AGL: variants seen among roughly 807,000 people sequenced by gnomAD.
AGL encodes the protein glycogen debranching enzyme.
AGL carries 128 observed loss-of-function variants against 199.3 expected under a neutral mutation model. That is an observed-to-expected ratio of 0.64 (90% CI 0.56 to 0.74). The LOEUF is 0.74. Ranked by LOEUF, AGL falls within the 30% of genes least tolerant of loss-of-function variation. AGL has a pLI of 0.00. For synonymous variants in AGL, 584 were observed against 594.7 expected (o/e 0.98, Z 0.26); for missense variants, 1,809 against 1,820.8 (o/e 0.99, Z 0.12).
chr1:99,884,102 G>A lies in AGL; in HGVS notation c.2309-18G>A, dbSNP rs1553187139. 1.9e-6 allele frequency: 3 copies of A among 1,602,394 alleles called. No homozygotes were observed. The highest frequency in any genetic ancestry group is 1.7e-5 in the Admixed American group (1 of 59,832). On this transcript the variant is annotated intron_variant, in intron 17 of 33. Coordinates refer to ENST00000361915, the MANE Select transcript of AGL (RefSeq NM_000642.3). Reference sequence around the variant, plus strand: ...ATTCCATATGAAATTTTGTTAAAATGTTTTTATGTATTCCTAGGCAAAATT... The same window carrying A: ...ATTCCATATGAAATTTTGTTAAAATATTTTTATGTATTCCTAGGCAAAATT...
chr1:99,868,415 C>T (rs1203258353), intron 5 of AGL, among the ~76,000 whole-genome samples: 1 of 152,034 alleles, frequency 6.6e-6, no homozygotes, highest in Non-Finnish European at 1.5e-5. Context: ...AGTTTGAGAC[C>T]AGCCTGGGCA....
chr1:99,904,816 A>G (rs892741263), intron 27 of AGL, among the ~76,000 whole-genome samples: 1 of 152,208 alleles, frequency 6.6e-6, no homozygotes, highest in Non-Finnish European at 1.5e-5. Flanking sequence ...ATTGCTGAGT[A>G]GTATTCCCTT....
chr1:99,862,772 G>A (rs1650163967), intron 4 of AGL, among the ~76,000 whole-genome samples: 1 of 152,010 alleles, frequency 6.6e-6, no homozygotes, highest in South Asian at 2.1e-4. Flanking sequence ...AGAACAAGGG[G>A]GAAATCCACC....
intron 2 of AGL, chr1:99,852,718 G>C (rs1649081568): frequency 1.3e-6 from 1 of 780,374 alleles, no homozygotes; most frequent in Non-Finnish European, 2.4e-6. Flanking sequence ...GATGAAAGTG[G>C]TAATTTCTGT....
At chr1:99,898,848 A>T (rs1438735362) in intron 25 of AGL, among the ~76,000 whole-genome samples, 1 of 152,340 alleles carries the variant, frequency 6.6e-6, no homozygotes, top group African/African-American at 2.4e-5. Context: ...TTTAGTGGAC[A>T]TATACCTCTA....
chr1:99,902,585 A>G, intron 26 of AGL, 98 bp from the exon 27 acceptor site: 1 of 990,974 alleles, frequency 1.0e-6, no homozygotes, highest in Non-Finnish European at 1.6e-6. Context: ...ACTTCAAAGG[A>G]AAGTATATAT....
chr1:99,904,296 A>T (rs1654081509), intron 27 of AGL, among the ~76,000 whole-genome samples: 1 of 152,126 alleles, frequency 6.6e-6, no homozygotes, highest in Admixed American at 6.5e-5. Context: ...TTTATTTTGT[A>T]AAACATGCAT....
In AGL at chr1:99,891,348, A is replaced by G. The variant is rs148981763; in HGVS notation, c.2941A>G (p.Ile981Val). The G allele has an allele frequency of 6.4e-5, 103 of 1,613,654 alleles. No homozygotes were observed. The African/African-American group carries it at 1.2e-3, about 18-fold the overall frequency. Reference sequence around the variant, plus strand: ...CCGGCTTATTTCACGATCAGGAACTATTGCTGAAGTAAGTAGAGCTATATT... The same window carrying G: ...CCGGCTTATTTCACGATCAGGAACTGTTGCTGAAGTAAGTAGAGCTATATT... ...SNRLISRSGT[I>V]AEVGKWLQAM... The change falls in exon 22 of 34, where the codon ATT (isoleucine) becomes GTT (valine). Residue 981 changes from isoleucine (I) to valine (V), a missense_variant. Coordinates refer to ENST00000361915, the MANE Select transcript of AGL (RefSeq NM_000642.3).
At chr1:99,912,313 A>G (rs1171651619) in intron 28 of AGL, 92 bp from the exon 29 acceptor site, 3 of 903,380 alleles carry the variant, frequency 3.3e-6, no homozygotes, top group Admixed American at 4.2e-5. Context: ...ATAATATGTT[A>G]TATGATTCAT....
Position 99,921,624 on chromosome 1 carries a change from T to G in AGL, c.4572T>G (p.Thr1524=), listed in dbSNP as rs1322602688. ...AAACACAAGCCTGGTCAATTGCTAC[T>G]ATTCTTGAGACACTTTATGATTTAT... The part of the protein sequence containing the change: ...SCETQAWSIA[T]ILETLYDL The change falls in exon 34 of 34, where the codon ACT becomes ACG. Residue 1524 remains threonine (T), a synonymous_variant. Coordinates refer to ENST00000361915, the MANE Select transcript of AGL (RefSeq NM_000642.3). 2.5e-6 allele frequency: 4 copies of G among 1,610,874 alleles called. No homozygotes were observed. Among genetic ancestry groups the G allele is most frequent in the Admixed American group, 3.3e-5 (2 of 59,878 alleles).
chr1:99,876,063 C>T (rs1033838207), intron 10 of AGL, among the ~76,000 whole-genome samples: 1 of 151,954 alleles, frequency 6.6e-6, no homozygotes, highest in Admixed American at 6.6e-5. Flanking sequence ...TTAGTAGAGA[C>T]GGGGTTTCCC....
In AGL at chr1:99,923,371, A is replaced by C. The variant is rs111689090; in HGVS notation, c.*1720A>C. 9.8e-5 allele frequency: 15 copies of C among 152,310 alleles called. No homozygotes were observed. Among genetic ancestry groups the C allele is most frequent in the Non-Finnish European group, 1.9e-4 (13 of 68,014 alleles). 9.4% of individuals were successfully genotyped at this position (152,310 alleles called of 1,614,324 possible). ...TAACTTTGATATTCAGGGAGGTAGG[A>C]AAGGTAACAGAAAACCAGCATATTT... On this transcript the variant is annotated 3_prime_UTR_variant, in exon 34 of 34. Transcript: ENST00000361915.
intron 20 of AGL, among the ~76,000 whole-genome samples, chr1:99,886,135 C>T (rs929107050): frequency 1.3e-5 from 2 of 152,062 alleles, no homozygotes; most frequent in African/African-American, 4.8e-5. Flanking sequence ...AGTATAGAAC[C>T]AGACTAACTG....
intron 2 of AGL, among the ~76,000 whole-genome samples, chr1:99,860,650 T>C (rs1649957092): frequency 6.6e-6 from 1 of 152,200 alleles, no homozygotes; most frequent in African/African-American, 2.4e-5. Context: ...AAAGTAGAAA[T>C]GCATTGGCTC....
In AGL at chr1:99,902,743, T is replaced by C; in HGVS notation, c.3649T>C (p.Phe1217Leu). The C allele has an allele frequency of 6.2e-7, 1 of 1,613,586 alleles. No homozygotes were observed. The highest frequency in any genetic ancestry group is 8.5e-7 in the Non-Finnish European group (1 of 1,179,608). ...GCAAAAACACATGCAGGGCATACAG[T>C]TCCGAGAAAGGAATGCTGGTCCCCA... is the stretch of plus-strand genomic sequence containing the variant. ...AMQKHMQGIQ[F>L]RERNAGPQID... Residue 1217 changes from phenylalanine to leucine, a missense_variant, in exon 27 of 34, where the codon TTC becomes CTC. Phe to Leu is a conservative substitution (Grantham distance 22). Coordinates refer to ENST00000361915, the MANE Select transcript of AGL (RefSeq NM_000642.3).
In AGL at chr1:99,870,728, A is replaced by G. The variant is rs189127207; in HGVS notation, c.847-30A>G. 5.5e-6 allele frequency: 8 copies of G among 1,442,044 alleles called. No homozygotes were observed. In the East Asian group the frequency reaches 1.2e-4, roughly 21 times the overall value. 89.3% of individuals were successfully genotyped at this position (1,442,044 alleles called of 1,614,324 possible). A position where few individuals can be genotyped will look rare whatever the true frequency, so the allele number is the denominator to read the frequency against. On this transcript the variant is annotated intron_variant, in intron 6 of 33. Transcript: ENST00000361915. Reference sequence around the variant, plus strand: ...TGATTTTAAATAAGTATATGTATATATGTATTTTTTAACTATTGACATTTT... The same window carrying G: ...TGATTTTAAATAAGTATATGTATATGTGTATTTTTTAACTATTGACATTTT...
chr1:99,890,884 G>C (rs1032837969), intron 21 of AGL, among the ~76,000 whole-genome samples: 1 of 151,978 alleles, frequency 6.6e-6, no homozygotes, highest in Non-Finnish European at 1.5e-5. Context: ...GATGCTTTTG[G>C]GCAGGGAAGC....
intron 23 of AGL, 150 bp downstream of exon 23, chr1:99,891,889 T>C (rs1652926111): frequency 2.3e-6 from 2 of 885,426 alleles, no homozygotes; most frequent in Non-Finnish European, 3.6e-6. Flanking sequence ...ATTAGCATCC[T>C]TTAGTCTGTG....
At chr1:99,880,237 G>A (rs1651902412) in intron 13 of AGL, among the ~76,000 whole-genome samples, 191 bp downstream of exon 13, 1 of 152,132 alleles carries the variant, frequency 6.6e-6, no homozygotes, top group African/African-American at 2.4e-5. Flanking sequence ...TTTGGGGTAA[G>A]ATACCTCATT....
Sources: allele counts gnomAD v4.1 joint callset (sites outside exome capture counted in the v4.1 genomes callset), GRCh38; gene constraint gnomAD v4.1.1; transcripts MANE v1.5; gene names NCBI Gene and HGNC (gene_info 2026-07-23, HGNC 2026-07-21).